CCDC141: variants seen among roughly 807,000 people sequenced by gnomAD.
The protein encoded by CCDC141 is coiled-coil domain-containing protein 141.
In CCDC141, 168 loss-of-function variants were observed where a neutral mutation model predicts 181.0. The observed-to-expected ratio is 0.93, with a 90% CI of 0.82 to 1.05. The LOEUF (loss-of-function observed/expected upper bound fraction) is 1.05, where lower values mean the gene tolerates loss of function less well. Ranked by LOEUF, CCDC141 falls within the 50% of genes least tolerant of loss-of-function variation. The pLI is 0.00. For missense variants in CCDC141, 1,902 were observed against 1,788.5 expected (o/e 1.06, Z -1.14); for synonymous variants, 666 against 642.3 (o/e 1.04, Z -0.56).
intron 6 of CCDC141, among the ~76,000 whole-genome samples, chr2:178,931,540 A>G (rs567718664): frequency 1.6e-4 from 24 of 152,206 alleles, no homozygotes; most frequent in Non-Finnish European, 3.5e-4. Flanking sequence ...CCTGAAAAAC[A>G]TGCAAAGTGA....
Position 178,961,361 on chromosome 2 carries a change from A to G in CCDC141, c.649T>C (p.Cys217Arg), listed in dbSNP as rs1292776863. 2.6e-6 allele frequency: 4 copies of G among 1,550,640 alleles called. No homozygotes were observed. The Admixed American group carries it at 7.8e-5, about 30-fold the overall frequency. The change falls in exon 5 of 24, where the codon TGT becomes CGT. Residue 217 changes from cysteine (C) to arginine (R), a missense_variant. Coordinates refer to ENST00000443758, the MANE Select transcript of CCDC141 (RefSeq NM_173648.4). The part of the protein sequence containing the change: ...PELTQGAHSS[C>R]LKVDRLLELL... ...TCAAGAAGGCGGTCAACCTTCAGAC[A>G]GCTGCTATGAGCTCCCTGAGTCAAC...
intron 3 of CCDC141, among the ~76,000 whole-genome samples, chr2:178,978,213 A>G (rs1691209988): frequency 6.6e-6 from 1 of 152,206 alleles, no homozygotes. Context: ...AATAATCGTA[A>G]TGACTTATGA....
At position 179,050,121 on chromosome 2, in the gene CCDC141, G is replaced by T. The variant is rs371016447; in HGVS notation, c.-180C>A. The T allele has an allele frequency of 4.4e-6, 4 of 912,470 alleles. No individual in the cohort carries two copies. Among genetic ancestry groups the T allele is most frequent in the Non-Finnish European group, 6.2e-6 (4 of 642,078 alleles). 56.5% of individuals were successfully genotyped at this position (912,470 alleles called of 1,614,324 possible). A position where few individuals can be genotyped will look rare whatever the true frequency, so the allele number is the denominator to read the frequency against. On this transcript the variant is annotated 5_prime_UTR_variant, in exon 1 of 24. Transcript: ENST00000443758. ...AATAGACAACCCCATTGAGTTTATCGTGAGAGAGAAAGGAGCGAACGAGAG... is the reference window on the plus strand; with the variant it reads ...AATAGACAACCCCATTGAGTTTATCTTGAGAGAGAAAGGAGCGAACGAGAG...
chr2:179,006,347 A>T (rs1256003803), intron 2 of CCDC141, among the ~76,000 whole-genome samples: 1 of 152,180 alleles, frequency 6.6e-6, no homozygotes, highest in African/African-American at 2.4e-5. Context: ...TTAACTATGT[A>T]AGATGTTGGT....
intron 6 of CCDC141, among the ~76,000 whole-genome samples, chr2:178,926,145 G>GA (rs1038279832): frequency 2.6e-5 from 4 of 151,662 alleles, no homozygotes; most frequent in Non-Finnish European, 2.9e-5. Context: ...TTGGTAGGGT[G>GA]AAAAAAATAA....
intron 2 of CCDC141, among the ~76,000 whole-genome samples, chr2:179,035,356 G>T (rs958491755): frequency 6.6e-6 from 1 of 152,058 alleles, no homozygotes; most frequent in Non-Finnish European, 1.5e-5. Context: ...TCTTCTGCCT[G>T]TGCCTTTTCA....
chr2:178,995,059 G>T (rs964835100), intron 2 of CCDC141, among the ~76,000 whole-genome samples: 1 of 152,102 alleles, frequency 6.6e-6, no homozygotes, highest in Admixed American at 6.5e-5. Context: ...CCTCCAAACG[G>T]TTCCAACCCC....
At chr2:178,849,025 A>T (rs1685056084) in intron 21 of CCDC141, among the ~76,000 whole-genome samples, 1 of 150,900 alleles carries the variant, frequency 6.6e-6, no homozygotes, top group Admixed American at 6.6e-5. Flanking sequence ...TAAAATGGTA[A>T]AAAAAAATCT....
intron 21 of CCDC141, among the ~76,000 whole-genome samples, chr2:178,849,059 A>G (rs1685058301): frequency 6.6e-6 from 1 of 152,170 alleles, no homozygotes; most frequent in Admixed American, 6.5e-5. Flanking sequence ...AAGGATAAAG[A>G]TAATTTGGTT....
In CCDC141 at chr2:179,045,858, C is replaced by T. The variant is rs540298911; in HGVS notation, c.225+1426G>A. 2.8e-3 allele frequency among the ~76,000 whole-genome samples: 419 copies of T among 152,268 alleles called. 4 individuals carry two copies. The highest frequency in any genetic ancestry group is 9.3e-3 in the African/African-American group (388 of 41,556). ...GGTTTTCCTACATAGAAAAGACTTACCAATAACTAGGGACTTCTGCCTTGC... is the reference window on the plus strand; with the variant it reads ...GGTTTTCCTACATAGAAAAGACTTATCAATAACTAGGGACTTCTGCCTTGC... On this transcript the variant is annotated intron_variant, in intron 2 of 23. Coordinates refer to ENST00000443758, the MANE Select transcript of CCDC141 (RefSeq NM_173648.4).
chr2:178,858,071 A>G (rs1685460973), intron 17 of CCDC141, among the ~76,000 whole-genome samples: 1 of 152,216 alleles, frequency 6.6e-6, no homozygotes, highest in Non-Finnish European at 1.5e-5. Context: ...TTTAGTTTAT[A>G]TGGTAAATAA....
intron 6 of CCDC141, among the ~76,000 whole-genome samples, chr2:178,941,770 T>C (rs1356603474): frequency 6.7e-6 from 1 of 149,568 alleles, no homozygotes; most frequent in Non-Finnish European, 1.5e-5. Context: ...CTGAGAAACA[T>C]AGCAAGACCC....
intron 6 of CCDC141, among the ~76,000 whole-genome samples, chr2:178,938,800 G>A (rs1051911206): frequency 7.9e-5 from 12 of 151,948 alleles, no homozygotes; most frequent in African/African-American, 2.9e-4. Context: ...ATGTATCCAA[G>A]GTATGTCATT....
At position 178,878,085 on chromosome 2, in the gene CCDC141, T is replaced by G; in HGVS notation, c.1778A>C (p.Glu593Ala). ...ATGCTTGGCTTTAGCATCATCCTGCTCCTTCTGAGGGATTTCGGTTTCATA... is the reference window on the plus strand; with the variant it reads ...ATGCTTGGCTTTAGCATCATCCTGCGCCTTCTGAGGGATTTCGGTTTCATA... Reference protein sequence around the residue: ...EFYETEIPQKEQDDAKAKHCS... With the variant: ...EFYETEIPQKAQDDAKAKHCS... The change falls in exon 12 of 24, where the codon GAG becomes GCG. Residue 593 changes from glutamate (E) to alanine (A), a missense_variant. Glu to Ala is a moderately radical substitution (Grantham distance 107). Coordinates refer to ENST00000443758, the MANE Select transcript of CCDC141 (RefSeq NM_173648.4). The G allele has an allele frequency of 6.2e-7, 1 of 1,612,244 alleles. No individual in the cohort carries two copies. Among genetic ancestry groups the G allele is most frequent in the Non-Finnish European group, 8.5e-7 (1 of 1,179,544 alleles).
intron 11 of CCDC141, among the ~76,000 whole-genome samples, 166 bp from the exon 12 acceptor site, chr2:178,878,309 T>TTTAC (rs1159246059): frequency 2.0e-5 from 3 of 150,064 alleles, no homozygotes; most frequent in Non-Finnish European, 4.4e-5. Flanking sequence ...ATTTTATTTA[T>TTTAC]TTTAAGAGAT....
intron 6 of CCDC141, among the ~76,000 whole-genome samples, chr2:178,921,051 C>T (rs1688668240): frequency 6.6e-6 from 1 of 152,202 alleles, no homozygotes; most frequent in Non-Finnish European, 1.5e-5. Flanking sequence ...GACTAGTTCA[C>T]AGGTCTTTGT....
At chr2:178,965,196 C>G (rs1206266032) in intron 4 of CCDC141, among the ~76,000 whole-genome samples, 2 of 152,114 alleles carry the variant, frequency 1.3e-5, no homozygotes, top group Non-Finnish European at 1.5e-5. Context: ...AAATGTTCCC[C>G]AGTGGGATGG....
chr2:178,913,138 G>C (rs934211702), intron 7 of CCDC141, among the ~76,000 whole-genome samples: 11 of 152,180 alleles, frequency 7.2e-5, no homozygotes, highest in Non-Finnish European at 1.3e-4. Flanking sequence ...CCCATTTGAT[G>C]CATGGCAAGA....
In CCDC141 at chr2:178,971,885, T is replaced by A. The variant is rs185936320; in HGVS notation, c.526+3172A>T. ...GTGGGAGTTGAACAATGAGAACACA[T>A]GGACACAGGGAGGGGAACATCACAC... On this transcript the variant is annotated intron_variant, in intron 4 of 23. Transcript: ENST00000443758. 6.6e-5 allele frequency among the ~76,000 whole-genome samples: 10 copies of A among 151,900 alleles called. No homozygotes were observed. In the East Asian group the frequency reaches 1.9e-3, roughly 29 times the overall value.
Sources: allele counts gnomAD v4.1 joint callset (sites outside exome capture counted in the v4.1 genomes callset), GRCh38; gene constraint gnomAD v4.1.1; transcripts MANE v1.5; gene names NCBI Gene and HGNC (gene_info 2026-07-23, HGNC 2026-07-21).